Variants in DAB1 observed in about 807,000 individuals in gnomAD.
The protein encoded by DAB1 is disabled homolog 1.
DAB1 carries 15 observed loss-of-function variants against 64.6 expected under a neutral mutation model. That is an observed-to-expected ratio of 0.23 (90% confidence interval 0.16 to 0.36). The LOEUF (loss-of-function observed/expected upper bound fraction) is 0.36, where lower values mean the gene tolerates loss of function less well. DAB1 is among the 10% of genes least tolerant of loss of function. DAB1 has a pLI of 1.00. For missense variants in DAB1, 596 were observed against 706.7 expected (o/e 0.84, Z 1.78); for synonymous variants, 235 against 251.9 (o/e 0.93, Z 0.64).
rs187361565 is a variant in DAB1 at position 57,473,729 on chromosome 1, C to T, written n.625+175863G>A. 1.5e-3 allele frequency among the ~76,000 whole-genome samples: 226 copies of T among 152,284 alleles called. 1 individual carries two copies. Among genetic ancestry groups the T allele is most frequent in the African/African-American group, 5.0e-3 (206 of 41,560 alleles). ...GAACACAGTGAGGCTTCAAAAATCA[C>T]CTCTTGCCATCTATGCATCCGATCT... On this transcript the variant is annotated intron_variant and non_coding_transcript_variant, in intron 7 of 20. Transcript: ENST00000485760.
chr1:58,171,040 C>T (rs1301730000), intron 4 of DAB1, among the ~76,000 whole-genome samples: 9 of 150,780 alleles, frequency 6.0e-5, no homozygotes, highest in Non-Finnish European at 1.0e-4. Context: ...CCCACCTCCT[C>T]GGTTGTAATT....
chr1:58,060,571 G>C (rs1258068005), intron 5 of DAB1, among the ~76,000 whole-genome samples: 2 of 152,170 alleles, frequency 1.3e-5, no homozygotes, highest in African/African-American at 4.8e-5. Flanking sequence ...AGATGCCCAG[G>C]AGATCTTTTT....
chr1:57,774,943 T>C (rs1312889619), intron 6 of DAB1, among the ~76,000 whole-genome samples: 1 of 151,690 alleles, frequency 6.6e-6, no homozygotes, highest in Non-Finnish European at 1.5e-5. Context: ...TTAATATCTT[T>C]AGTACATATT....
intron 1 of DAB1, among the ~76,000 whole-genome samples, chr1:58,528,321 T>C (rs1338060955): frequency 6.6e-6 from 1 of 152,218 alleles, no homozygotes. Context: ...AGCTAATTGT[T>C]TAACCCTGCT....
rs1000161572 is a variant in DAB1 at position 58,481,132 on chromosome 1, T to G, written n.257+24928A>C. 3 of 870,384 alleles carry G rather than the reference T, an allele frequency of 3.4e-6. No homozygotes were observed. In the African/African-American group the frequency reaches 4.9e-5, roughly 14 times the overall value. 53.9% of individuals were successfully genotyped at this position (870,384 alleles called of 1,614,324 possible). ...TTGAATAGTAATCGAGGGTCTGGAT[T>G]AGACAGTGGTGGACAATTACACATC... On this transcript the variant is annotated intron_variant and non_coding_transcript_variant, in intron 3 of 20. Coordinates refer to the DAB1 transcript ENST00000485760.
chr1:57,661,113 C>A (rs1646381158), intron 6 of DAB1, among the ~76,000 whole-genome samples: 3 of 151,882 alleles, frequency 2.0e-5, no homozygotes, highest in Admixed American at 2.0e-4. Context: ...AGACTTCTGG[C>A]CTTGGATAGT....
At chr1:57,449,795 T>C (rs1570531402) in intron 7 of DAB1, among the ~76,000 whole-genome samples, 1 of 152,226 alleles carries the variant, frequency 6.6e-6, no homozygotes, top group Non-Finnish European at 1.5e-5. Context: ...CTCTTTAGAA[T>C]ATGTCATTTT....
chr1:57,183,547 G>A (rs564215163), intron 2 of DAB1, among the ~76,000 whole-genome samples: 57 of 152,220 alleles, frequency 3.7e-4, no homozygotes, highest in African/African-American at 1.4e-3. Context: ...GTCCATTCCT[G>A]GGCATGTTGA....
At chr1:58,180,276 C>CTTCTCTT (rs1656708193) in intron 4 of DAB1, among the ~76,000 whole-genome samples, 1 of 53,144 alleles carries the variant, frequency 1.9e-5, no homozygotes, top group African/African-American at 8.2e-5. Context: ...TCTTTTTTTT[C>CTTCTCTT]TTTTCTTTTT....
intron 4 of DAB1, among the ~76,000 whole-genome samples, chr1:58,279,491 A>G (rs1661509073): frequency 1.3e-5 from 2 of 152,256 alleles, no homozygotes; most frequent in Non-Finnish European, 2.9e-5. Flanking sequence ...AGCATTTTAT[A>G]TAAGTTATTT....
chr1:57,150,641 A>T (rs1659566799), intron 2 of DAB1, among the ~76,000 whole-genome samples: 1 of 152,128 alleles, frequency 6.6e-6, no homozygotes, highest in African/African-American at 2.4e-5. Flanking sequence ...GGGGTGGAGA[A>T]ACTGTATTTG....
chr1:58,289,649 A>G (rs532654505), intron 4 of DAB1, among the ~76,000 whole-genome samples: 2 of 152,336 alleles, frequency 1.3e-5, no homozygotes, highest in East Asian at 1.9e-4. Context: ...TCTTCTTCCC[A>G]GTGAATATTA....
chr1:57,074,325 T>C (rs1651788729), intron 4 of DAB1, among the ~76,000 whole-genome samples: 1 of 152,160 alleles, frequency 6.6e-6, no homozygotes, highest in African/African-American at 2.4e-5. Flanking sequence ...TCTTCCCCAT[T>C]ACTGAGTCCA....
At chr1:57,400,400 C>T (rs575832771) in intron 1 of DAB1, among the ~76,000 whole-genome samples, 26 of 152,182 alleles carry the variant, frequency 1.7e-4, no homozygotes, top group African/African-American at 5.5e-4. Context: ...TTTCAAGTGG[C>T]TGAATGAACA....
intron 1 of DAB1, among the ~76,000 whole-genome samples, chr1:57,302,805 T>G (rs975491148): frequency 6.6e-5 from 10 of 152,098 alleles, no homozygotes; most frequent in African/African-American, 2.4e-4. Flanking sequence ...CAGGTGATTC[T>G]AAAATGCAGC....
At chr1:57,548,126 A>G (rs368997767) in intron 7 of DAB1, among the ~76,000 whole-genome samples, 39 of 152,310 alleles carry the variant, frequency 2.6e-4, no homozygotes, top group African/African-American at 8.7e-4. Flanking sequence ...ATCCTCAACC[A>G]GACTGTGAGC....
rs571904046 is a variant in DAB1 at position 57,958,497 on chromosome 1, G to A, written n.388-74335C>T. 1.1e-4 allele frequency among the ~76,000 whole-genome samples: 17 copies of A among 152,278 alleles called. No homozygotes were observed. The South Asian group carries it at 3.1e-3, about 28-fold the overall frequency. ...CAATGTGCAGGAGTGGACAGAAAAT[G>A]GGGTGCAAATCTCAGCCATCTCACC... On this transcript the variant is annotated intron_variant and non_coding_transcript_variant, in intron 5 of 20. Coordinates refer to the DAB1 transcript ENST00000485760.
At chr1:58,373,859 A>G (rs905672978) in intron 3 of DAB1, among the ~76,000 whole-genome samples, 5 of 150,078 alleles carry the variant, frequency 3.3e-5, no homozygotes, top group Non-Finnish European at 7.4e-5. Flanking sequence ...TGACTTTTTA[A>G]TGATTGCCAT....
At chr1:58,200,647 T>A (rs1657946988) in intron 4 of DAB1, among the ~76,000 whole-genome samples, 1 of 152,236 alleles carries the variant, frequency 6.6e-6, no homozygotes, top group Non-Finnish European at 1.5e-5. Context: ...ACTGCAGCAC[T>A]AAAAACACTT....
Sources: allele counts gnomAD v4.1 joint callset (sites outside exome capture counted in the v4.1 genomes callset), GRCh38; gene constraint gnomAD v4.1.1; transcripts MANE v1.5; gene names NCBI Gene and HGNC (gene_info 2026-07-23, HGNC 2026-07-21).